Variants in TP63 observed in about 807,000 individuals in gnomAD.
The protein encoded by TP63 is tumor protein p63, also known as tumor protein 63.
In TP63, 17 loss-of-function variants were observed where a neutral mutation model predicts 82.8. The ratio of observed to expected loss-of-function variants is 0.21; its 90% confidence interval spans 0.14 to 0.31. TP63 has a LOEUF of 0.31. Ranked by LOEUF, TP63 falls within the 10% of genes least tolerant of loss-of-function variation. The probability of loss-of-function intolerance (pLI) is 1.00; values close to 1 mark genes in which losing one functional copy is unlikely to be tolerated. For synonymous variants in TP63, 330 were observed against 321.7 expected, an observed-to-expected ratio of 1.03 and a Z score of -0.28; for missense variants, 648 against 895.3, an observed-to-expected ratio of 0.72 and a Z score of 3.52.
At chr3:189,766,703 T>C (rs1360643328) in intron 3 of TP63, among the ~76,000 whole-genome samples, 2 of 152,082 alleles carry the variant, frequency 1.3e-5, no homozygotes, top group African/African-American at 4.8e-5. Flanking sequence ...AAAACATAAA[T>C]CATGTTTAAA....
rs144232925 is a variant in TP63 at position 189,795,381 on chromosome 3, G to A, written c.325-12891G>A. ...ATTCATAATCTGAGGGAGTTATGAG[G>A]GGTTCGTAAATGACTCCAGTATAAA... On this transcript the variant is annotated intron_variant, in intron 3 of 13. Transcript: ENST00000264731. 1.3e-3 allele frequency among the ~76,000 whole-genome samples: 199 copies of A among 152,118 alleles called. 4 individuals are homozygous for A. In the East Asian group the frequency reaches 0.037, roughly 28 times the overall value.
chr3:189,893,238 T>C (rs1362439702), intron 13 of TP63, among the ~76,000 whole-genome samples: 1 of 152,242 alleles, frequency 6.6e-6, no homozygotes, highest in Non-Finnish European at 1.5e-5. Flanking sequence ...TATGAGTCTA[T>C]AGCATCTTTT....
intron 1 of TP63, among the ~76,000 whole-genome samples, chr3:189,651,194 G>A (rs912682689): frequency 6.8e-6 from 1 of 147,168 alleles, no homozygotes; most frequent in South Asian, 2.2e-4. Context: ...AAGTGTCCAA[G>A]AGGAAGCAGA....
At chr3:189,728,305 C>G (rs1246202363) in intron 1 of TP63, among the ~76,000 whole-genome samples, 1 of 152,024 alleles carries the variant, frequency 6.6e-6, no homozygotes, top group African/African-American at 2.4e-5. Flanking sequence ...TTAGTTGAGG[C>G]AACAGACCTA....
rs571664038 is a variant in TP63 at position 189,846,607 on chromosome 3, G to A, written c.580-17625G>A. Reference sequence around the variant, plus strand: ...ATACATATATGATCAGAAATGGCCAGTAGGGTGTGTGTGTGTGTGTGTGTG... The same window carrying A: ...ATACATATATGATCAGAAATGGCCAATAGGGTGTGTGTGTGTGTGTGTGTG... On this transcript the variant is annotated intron_variant, in intron 4 of 13. Transcript: ENST00000264731. Among the ~76,000 whole-genome samples, 11 of 96,972 alleles carry A rather than the reference G, an allele frequency of 1.1e-4. No individual in the cohort carries two copies. In the East Asian group the frequency reaches 3.4e-3, roughly 30 times the overall value. The allele number at this position is 96,972 out of a possible 152,430, so 63.6% of individuals were successfully genotyped here. A position where few individuals can be genotyped will look rare whatever the true frequency, so the allele number is the denominator to read the frequency against.
At chr3:189,869,498 A>G (rs921268337) in intron 9 of TP63, 92 bp downstream of exon 9, 5 of 1,156,922 alleles carry the variant, frequency 4.3e-6, no homozygotes, top group Admixed American at 1.9e-5. Context: ...ATCTGTGACA[A>G]TGGGAAAGGA....
At position 189,896,426 on chromosome 3, in the gene TP63, G is replaced by C. The variant is rs998753509; in HGVS notation, c.*1924G>C. 5.0e-6 allele frequency: 1 copy of C among 199,856 alleles called. No individual in the cohort carries two copies. The highest frequency in any genetic ancestry group is 7.7e-5 in the East Asian group (1 of 12,910). The allele number at this position is 199,856 out of a possible 1,614,324, so 12.4% of individuals were successfully genotyped here. On this transcript the variant is annotated 3_prime_UTR_variant, in exon 14 of 14. Coordinates refer to ENST00000264731, the MANE Select transcript of TP63 (RefSeq NM_003722.5). ...GAAATAATGCTACAATTTTAAGAGGGGAGGGAAGGGAAAGTTTTTTTTTAT... is the reference window on the plus strand; with the variant it reads ...GAAATAATGCTACAATTTTAAGAGGCGAGGGAAGGGAAAGTTTTTTTTTAT...
intron 1 of TP63, among the ~76,000 whole-genome samples, chr3:189,715,836 A>C (rs966567466): frequency 5.9e-5 from 9 of 152,210 alleles, no homozygotes; most frequent in African/African-American, 2.2e-4. Flanking sequence ...TTTGAGAAAT[A>C]ATTCTAAGTC....
chr3:189,799,510 TA>T (rs1726063566), intron 3 of TP63, among the ~76,000 whole-genome samples: 1 of 152,140 alleles, frequency 6.6e-6, no homozygotes, highest in Non-Finnish European at 1.5e-5. Context: ...ACCATCAGGT[TA>T]AAAAACACTG....
chr3:189,605,092 C>T, the TP63 span, among the ~76,000 whole-genome samples: 12 of 152,100 alleles, frequency 7.9e-5, no homozygotes, highest in Non-Finnish European at 1.6e-4. Flanking sequence ...TATCTCTTCT[C>T]GCTGAGACCA....
rs1717435539 is a variant in TP63, at chr3:189,864,434, A to G, written c.766+16A>G. ...TTCAACGAGGGTAAGCAGAATTTGA[A>G]TCTCTAACTGTTCAACCTCCTTGAA... On this transcript the variant is annotated intron_variant, in intron 5 of 13. Transcript: ENST00000264731. 3 of 1,609,780 alleles carry G rather than the reference A, an allele frequency of 1.9e-6. 1 individual carries two copies. Among genetic ancestry groups the G allele is most frequent in the Middle Eastern group, 1.7e-4 (1 of 6,008 alleles).
chr3:189,692,709 A>G (rs1577250951), intron 1 of TP63, among the ~76,000 whole-genome samples: 1 of 152,252 alleles, frequency 6.6e-6, no homozygotes, highest in East Asian at 1.9e-4. Context: ...TCACAGAATC[A>G]TTGATTCAGA....
intron 1 of TP63, among the ~76,000 whole-genome samples, chr3:189,686,919 C>T (rs184130304): frequency 1.5e-4 from 23 of 151,910 alleles, no homozygotes; most frequent in South Asian, 4.2e-4. Context: ...TTAGTAGAGA[C>T]GGGGTTTCTC....
intron 1 of TP63, among the ~76,000 whole-genome samples, chr3:189,642,487 A>G (rs1464940954): frequency 6.6e-6 from 1 of 152,158 alleles, no homozygotes; most frequent in South Asian, 2.1e-4. Context: ...GCCAATGCGC[A>G]TAGGTTCAAA....
At chr3:189,701,072 G>T (rs1717763897) in intron 1 of TP63, among the ~76,000 whole-genome samples, 1 of 152,086 alleles carries the variant, frequency 6.6e-6, no homozygotes, top group Non-Finnish European at 1.5e-5. Context: ...TGAGAGATAG[G>T]CTTTGAAACT....
intron 1 of TP63, among the ~76,000 whole-genome samples, chr3:189,684,637 T>C (rs1332550343): frequency 7.1e-4 from 107 of 150,844 alleles, no homozygotes; most frequent in Middle Eastern, 3.4e-3. Flanking sequence ...TCTTTCTTTT[T>C]TTTTTTTTTT....
chr3:189,857,135 A>G (rs1716393359), intron 4 of TP63, among the ~76,000 whole-genome samples: 1 of 152,182 alleles, frequency 6.6e-6, no homozygotes, highest in African/African-American at 2.4e-5. Flanking sequence ...ACTATAAAGT[A>G]GATTAACCCA....
intron 1 of TP63, among the ~76,000 whole-genome samples, chr3:189,721,569 G>A (rs972291495): frequency 1.3e-5 from 2 of 151,976 alleles, no homozygotes; most frequent in African/African-American, 2.4e-5. Flanking sequence ...TGAAGTGGGC[G>A]GCAGGAAAGT....
At chr3:189,746,761 A>T (rs970025414) in intron 3 of TP63, among the ~76,000 whole-genome samples, 5 of 150,884 alleles carry the variant, frequency 3.3e-5, no homozygotes, top group African/African-American at 7.3e-5. Context: ...ATAGATTTTT[A>T]AAAAGACCCA....
Sources: gnomAD v4.1 joint callset for allele counts (sites outside exome capture counted in the v4.1 genomes callset) on GRCh38, gnomAD v4.1.1 for gene constraint, MANE v1.5 for transcripts, NCBI Gene and HGNC (gene_info 2026-07-23, HGNC 2026-07-21) for gene names.